IQSEC1: variants seen among roughly 807,000 people sequenced by gnomAD.
The protein encoded by IQSEC1 is IQ motif and SEC7 domain-containing protein 1.
IQSEC1 carries 31 observed loss-of-function variants against 91.0 expected under a neutral mutation model. The observed-to-expected ratio is 0.34, with a 90% confidence interval of 0.26 to 0.46. IQSEC1 has a LOEUF of 0.46. Ranked by LOEUF, IQSEC1 falls within the 20% of genes least tolerant of loss-of-function variation. IQSEC1 has a pLI of 1.00. For missense variants in IQSEC1, 1,388 were observed against 1,575.6 expected (o/e 0.88, Z 2.02); for synonymous variants, 699 against 662.6 (o/e 1.05, Z -0.84).
At chr3:13,070,565 T>C (rs750325992) in intron 1 of IQSEC1, among the ~76,000 whole-genome samples, 1 of 152,108 alleles carries the variant, frequency 6.6e-6, no homozygotes. Context: ...TGGGGAGTAA[T>C]GGTGGGCAAA....
intron 1 of IQSEC1, among the ~76,000 whole-genome samples, chr3:12,996,202 T>G (rs1384946412): frequency 6.6e-6 from 1 of 152,120 alleles, no homozygotes; most frequent in Non-Finnish European, 1.5e-5. Flanking sequence ...TAAGGGAAGA[T>G]AAGATGCTTG....
At chr3:13,131,067 G>GGAA (rs1559261253) in intron 2 of IQSEC1, among the ~76,000 whole-genome samples, 2 of 80,438 alleles carry the variant, frequency 2.5e-5, no homozygotes, top group African/African-American at 5.0e-5. Context: ...GAAGGAAGGA[G>GGAA]GGAGGGAAGG....
At chr3:13,157,687 A>C (rs357166) in intron 2 of IQSEC1, among the ~76,000 whole-genome samples, 136,942 of 152,198 alleles carry the variant, frequency 0.9, 61,856 homozygotes, top group African/African-American at 0.97. Context: ...GGCACACTCT[A>C]CAAGCAGCTG....
At chr3:13,147,931 C>T (rs1429876989) in intron 2 of IQSEC1, among the ~76,000 whole-genome samples, 1 of 152,240 alleles carries the variant, frequency 6.6e-6, no homozygotes. Flanking sequence ...CCACGCCCAG[C>T]CGACAGGTGT....
chr3:12,903,886 G>A (rs1456554010), intron 12 of IQSEC1, among the ~76,000 whole-genome samples: 1 of 152,206 alleles, frequency 6.6e-6, no homozygotes, highest in Non-Finnish European at 1.5e-5. Context: ...GTCCATATCA[G>A]AGAGAGGAAC....
chr3:12,989,325 T>C (rs1701884689), intron 1 of IQSEC1, among the ~76,000 whole-genome samples: 1 of 152,210 alleles, frequency 6.6e-6, no homozygotes, highest in East Asian at 1.9e-4. Flanking sequence ...GATGCTTCTA[T>C]TTGCACTTTC....
In IQSEC1 at chr3:13,073,137, A is replaced by C. The variant is rs1404502130; in HGVS notation, c.-123T>G. On this transcript the variant is annotated 5_prime_UTR_variant, in exon 1 of 14. Transcript: ENST00000613206. Reference sequence around the variant, plus strand: ...GGGAATAAAATTAAATCGCGGGGCGAGTCACATTCCCGGGGGTGGCGGGCT... The same window carrying C: ...GGGAATAAAATTAAATCGCGGGGCGCGTCACATTCCCGGGGGTGGCGGGCT... The C allele has an allele frequency of 3.6e-5, 36 of 990,184 alleles. 2 individuals carry two copies. In the South Asian group the frequency reaches 4.0e-4, roughly 11 times the overall value. The allele number at this position is 990,184 out of a possible 1,614,324, so 61.3% of individuals were successfully genotyped here. A position where few individuals can be genotyped will look rare whatever the true frequency, so the allele number is the denominator to read the frequency against.
intron 1 of IQSEC1, among the ~76,000 whole-genome samples, chr3:13,268,428 A>C (rs917651646): frequency 2.0e-5 from 3 of 152,208 alleles, no homozygotes; most frequent in African/African-American, 7.2e-5. Context: ...CCTTATTGCC[A>C]GGGAAGCTGC....
chr3:13,131,039 A>AAAG lies in IQSEC1; in HGVS notation c.302+33064_302+33065insCTT, dbSNP rs1479534125. ...GAACGGAAGGGAAGGAAGGAAGGAA[A>AAAG]GGAAGGAAGGAAGGAAGGAAGGAAG... On this transcript the variant is annotated intron_variant, in intron 2 of 15. Transcript: ENST00000648114. Among the ~76,000 whole-genome samples, 187 of 140,822 alleles carry AAAG rather than the reference A, an allele frequency of 1.3e-3. 2 individuals carry two copies. Among genetic ancestry groups the AAAG allele is most frequent in the African/African-American group, 5.1e-3 (175 of 34,164 alleles). 92.4% of individuals were successfully genotyped at this position (140,822 alleles called of 152,430 possible).
intron 1 of IQSEC1, among the ~76,000 whole-genome samples, chr3:13,174,392 C>T (rs1693677887): frequency 6.6e-6 from 1 of 152,138 alleles, no homozygotes; most frequent in East Asian, 1.9e-4. Context: ...GACTATACAG[C>T]CACCTGCCTC....
chr3:13,209,243 G>T (rs1366756492), intron 1 of IQSEC1, among the ~76,000 whole-genome samples: 1 of 152,200 alleles, frequency 6.6e-6, no homozygotes, highest in Non-Finnish European at 1.5e-5. Flanking sequence ...CCCAATTCAG[G>T]TACAAAGAGA....
upstream of IQSEC1, among the ~76,000 whole-genome samples, chr3:13,073,802 G>C (rs1705514881): frequency 6.6e-6 from 1 of 152,270 alleles, no homozygotes; most frequent in Non-Finnish European, 1.5e-5. Context: ...GCCACTGAAG[G>C]GCGATGAGAC....
intron 1 of IQSEC1, among the ~76,000 whole-genome samples, chr3:13,178,169 G>C (rs530001619): frequency 1.3e-5 from 2 of 152,226 alleles, no homozygotes; most frequent in Non-Finnish European, 2.9e-5. Context: ...TCTCTGTCCT[G>C]CATTCATTCC....
chr3:13,072,882 C>T (rs1576236950), intron 1 of IQSEC1, 110 bp downstream of exon 1: 1 of 977,356 alleles, frequency 1.0e-6, no homozygotes, highest in East Asian at 2.6e-5. Flanking sequence ...CTGCAAGTCA[C>T]CTGCACATCC....
At chr3:13,055,899 G>C (rs1559743848) in intron 1 of IQSEC1, among the ~76,000 whole-genome samples, 2 of 152,246 alleles carry the variant, frequency 1.3e-5, no homozygotes, top group East Asian at 3.9e-4. Flanking sequence ...CTGCAGGAGT[G>C]AAGGCCTGGC....
At chr3:13,161,643 G>A (rs1037342416) in intron 2 of IQSEC1, among the ~76,000 whole-genome samples, 1 of 152,214 alleles carries the variant, frequency 6.6e-6, no homozygotes, top group Admixed American at 6.5e-5. Context: ...GCCAGGGCAG[G>A]TAAAGCCATG....
intron 2 of IQSEC1, among the ~76,000 whole-genome samples, chr3:13,113,444 G>A (rs1010714622): frequency 6.6e-6 from 1 of 152,186 alleles, no homozygotes; most frequent in African/African-American, 2.4e-5. Flanking sequence ...GCCCACCCAG[G>A]GTGCTGTGTG....
chr3:13,233,646 T>C (rs1004039775), intron 1 of IQSEC1, among the ~76,000 whole-genome samples: 8 of 152,336 alleles, frequency 5.3e-5, no homozygotes, highest in Middle Eastern at 3.4e-3. Flanking sequence ...TCCGCCTGAC[T>C]GTCCTCACAG....
intron 12 of IQSEC1, among the ~76,000 whole-genome samples, chr3:12,907,032 A>G (rs1477284069): frequency 6.6e-6 from 1 of 152,158 alleles, no homozygotes; most frequent in Non-Finnish European, 1.5e-5. Flanking sequence ...GACAGGGAAG[A>G]TATTACTGGC....
Sources: allele counts gnomAD v4.1 joint callset (sites outside exome capture counted in the v4.1 genomes callset), GRCh38; gene constraint gnomAD v4.1.1; transcripts MANE v1.5; gene names NCBI Gene and HGNC (gene_info 2026-07-23, HGNC 2026-07-21).